Variants in PTPRR observed in about 807,000 individuals in gnomAD.
PTPRR encodes receptor-type tyrosine-protein phosphatase R.
A neutral mutation model predicts 77.2 loss-of-function variants in PTPRR; 38 were observed. That is an observed-to-expected ratio of 0.49 (90% CI 0.38 to 0.65). PTPRR has a LOEUF of 0.65. Ranked by LOEUF, PTPRR falls within the 30% of genes least tolerant of loss-of-function variation. The probability of loss-of-function intolerance (pLI) is 0.00; values close to 1 mark genes in which losing one functional copy is unlikely to be tolerated. For missense variants in PTPRR, 744 were observed against 799.2 expected, an observed-to-expected ratio of 0.93 and a Z score of 0.83; for synonymous variants, 299 against 283.1, an observed-to-expected ratio of 1.06 and a Z score of -0.57.
intron 8 of PTPRR, among the ~76,000 whole-genome samples, chr12:70,696,107 T>G (rs186224209): frequency 2.0e-5 from 3 of 152,282 alleles, no homozygotes; most frequent in Admixed American, 6.5e-5. Flanking sequence ...TGTCGTGAGA[T>G]GTTTACTGAT....
chr12:70,677,295 T>G (rs1443075219), intron 10 of PTPRR, among the ~76,000 whole-genome samples: 1 of 152,200 alleles, frequency 6.6e-6, no homozygotes, highest in Non-Finnish European at 1.5e-5. Context: ...TAAATTTGTC[T>G]ATTAGTTCTA....
At chr12:70,721,357 G>A (rs541266973) in intron 6 of PTPRR, among the ~76,000 whole-genome samples, 13 of 152,240 alleles carry the variant, frequency 8.5e-5, no homozygotes, top group Admixed American at 4.6e-4. Context: ...GAGGGGCACC[G>A]CTATTGTGAA....
chr12:70,917,882 C>T (rs1274743856), intron 1 of PTPRR, among the ~76,000 whole-genome samples: 1 of 152,156 alleles, frequency 6.6e-6, no homozygotes, highest in Non-Finnish European at 1.5e-5. Flanking sequence ...TCAGTTCCAC[C>T]AGCATAAAGC....
chr12:70,821,968 C>T (rs1892023501), intron 2 of PTPRR, among the ~76,000 whole-genome samples: 2 of 152,072 alleles, frequency 1.3e-5, no homozygotes, highest in Admixed American at 6.5e-5. Flanking sequence ...CCGGCCGAAA[C>T]CTATGTATTT....
intron 5 of PTPRR, among the ~76,000 whole-genome samples, chr12:70,751,750 C>T (rs2136943287): frequency 6.6e-6 from 1 of 152,270 alleles, no homozygotes; most frequent in Middle Eastern, 3.4e-3. Context: ...ACCAAGTTCT[C>T]ACATACCCTT....
rs1888407416 is a variant in PTPRR at position 70,701,149 on chromosome 12, T to A, written c.1182A>T (p.Gln394His). The A allele has an allele frequency of 6.2e-7, 1 of 1,613,706 alleles. No homozygotes were observed. Among genetic ancestry groups the A allele is most frequent in the African/African-American group, 1.3e-5 (1 of 74,886 alleles). Residue 394 changes from glutamine to histidine, a missense_variant, in exon 7 of 14, where the codon CAA (glutamine) becomes CAT (histidine). Gln to His is a conservative substitution (Grantham distance 24). Coordinates refer to ENST00000283228, the MANE Select transcript of PTPRR (RefSeq NM_002849.4). ...RDVVASSHLL[Q>H]SEFMEIPMNF... ...ATAGAAGGCTCACCATGAATTCACT[T>A]TGGAGTAAATGTGAACTTGCCACGA...
At chr12:70,671,771 C>A in intron 10 of PTPRR, 1 of 510,576 alleles carries the variant, frequency 2.0e-6, no homozygotes. Flanking sequence ...CTGTGTCACT[C>A]TGAAATACAT....
chr12:70,667,157 C>G (rs970538341), intron 10 of PTPRR, among the ~76,000 whole-genome samples: 1 of 151,644 alleles, frequency 6.6e-6, no homozygotes, highest in Non-Finnish European at 1.5e-5. Context: ...GGAGTTTCAC[C>G]GTGTTAGCCA....
chr12:70,880,370 ATAGT>A (rs1399875151), intron 2 of PTPRR, among the ~76,000 whole-genome samples: 1 of 152,184 alleles, frequency 6.6e-6, no homozygotes, highest in Non-Finnish European at 1.5e-5. Context: ...TACTGACTCC[ATAGT>A]TATTCTTCTA....
At chr12:70,815,193 A>G (rs1351011916) in intron 2 of PTPRR, among the ~76,000 whole-genome samples, 1 of 151,940 alleles carries the variant, frequency 6.6e-6, no homozygotes, top group East Asian at 1.9e-4. Flanking sequence ...TCTAGAATAA[A>G]AAATGCAGGG....
chr12:70,713,642 T>C (rs1009220167), intron 6 of PTPRR, among the ~76,000 whole-genome samples: 2 of 151,520 alleles, frequency 1.3e-5, no homozygotes. Context: ...ATTTCCCTAA[T>C]GACTGACAAT....
At chr12:70,640,824 T>G (rs1025127063) in intron 13 of PTPRR, among the ~76,000 whole-genome samples, 3 of 152,346 alleles carry the variant, frequency 2.0e-5, no homozygotes, top group African/African-American at 7.2e-5. Context: ...AAAACTTCCT[T>G]GTTTTAAACT....
At chr12:70,905,978 G>C (rs1893615699) in intron 1 of PTPRR, among the ~76,000 whole-genome samples, 1 of 151,994 alleles carries the variant, frequency 6.6e-6, no homozygotes, top group African/African-American at 2.4e-5. Context: ...ATTTATGCAT[G>C]AGAAATGATT....
At chr12:70,690,242 A>G (rs1196197546) in intron 8 of PTPRR, among the ~76,000 whole-genome samples, 1 of 152,214 alleles carries the variant, frequency 6.6e-6, no homozygotes, top group East Asian at 1.9e-4. Flanking sequence ...AAATTATTTA[A>G]ACCACTGTTA....
chr12:70,680,748 GCAGAA>G (rs1023061209), intron 10 of PTPRR, among the ~76,000 whole-genome samples: 23 of 152,190 alleles, frequency 1.5e-4, no homozygotes, highest in African/African-American at 5.6e-4. Flanking sequence ...CCAACTCAGA[GCAGAA>G]GTCCCCTGAA....
chr12:70,705,823 T>C (rs1365706997), intron 6 of PTPRR, among the ~76,000 whole-genome samples: 1 of 152,032 alleles, frequency 6.6e-6, no homozygotes, highest in Non-Finnish European at 1.5e-5. Context: ...AGAACTTTAA[T>C]GTTGATGTTG....
Position 70,869,589 on chromosome 12 carries a change from A to T in PTPRR, c.357+23090T>A, listed in dbSNP as rs556192050. ...GGACTTTGTCGATGTGATTAAGTTA[A>T]CTATCTTGCCATGGGAGATTATCCT... On this transcript the variant is annotated intron_variant, in intron 2 of 13. Coordinates refer to ENST00000283228, the MANE Select transcript of PTPRR (RefSeq NM_002849.4). Among the ~76,000 whole-genome samples, 4 of 152,324 alleles carry T rather than the reference A, an allele frequency of 2.6e-5. No homozygotes were observed. The South Asian group carries it at 8.3e-4, about 32-fold the overall frequency.
chr12:70,867,931 TG>T (rs1892886358), intron 2 of PTPRR, among the ~76,000 whole-genome samples: 1 of 152,128 alleles, frequency 6.6e-6, no homozygotes, highest in Admixed American at 6.5e-5. Flanking sequence ...AAACAAGCAA[TG>T]GGGAAAGGAT....
At chr12:70,788,921 A>G (rs979572703) in intron 2 of PTPRR, 2 of 1,459,924 alleles carry the variant, frequency 1.4e-6, no homozygotes, top group South Asian at 2.8e-5. Flanking sequence ...AAAGCTTTCT[A>G]AGCTTGTGTG....
Sources: allele counts gnomAD v4.1 joint callset (sites outside exome capture counted in the v4.1 genomes callset), GRCh38; gene constraint gnomAD v4.1.1; transcripts MANE v1.5; gene names NCBI Gene and HGNC (gene_info 2026-07-23, HGNC 2026-07-21).